MORC4: variants seen among roughly 807,000 people sequenced by gnomAD.
MORC4 encodes the protein MORC family CW-type zinc finger 4.
MORC4 carries 22 observed loss-of-function variants against 65.5 expected under a neutral mutation model. The observed-to-expected ratio is 0.34, with a 90% confidence interval of 0.24 to 0.48. MORC4 has a LOEUF of 0.48. Among genes scored for constraint, MORC4 ranks in the 20% least tolerant of loss-of-function variants. The pLI is 0.99. For synonymous variants in MORC4, 267 were observed against 255.8 expected (o/e 1.04, Z -0.42); for missense variants, 624 against 703.0 (o/e 0.89, Z 1.27).
In MORC4 at chrX:106,990,775, G is replaced by A. The variant is rs755168383; in HGVS notation, c.308+2455C>T. Among the ~76,000 whole-genome samples, 4 of 111,605 alleles carry A rather than the reference G, an allele frequency of 3.6e-5. No individual in the cohort carries two copies. In the East Asian group the frequency reaches 1.1e-3, roughly 32 times the overall value. ...TAATCCCAGCTACTTGGGAGGCTGAGGCAGGAGAGTTGCGTGAACCCAGGA... is the reference window on the plus strand; with the variant it reads ...TAATCCCAGCTACTTGGGAGGCTGAAGCAGGAGAGTTGCGTGAACCCAGGA... On this transcript the variant is annotated intron_variant, in intron 3 of 16. Transcript: ENST00000355610.
intron 9 of MORC4, among the ~76,000 whole-genome samples, chrX:106,976,160 T>C (rs1478441690): frequency 2.7e-5 from 3 of 112,049 alleles, no homozygotes; most frequent in Non-Finnish European, 5.7e-5. Context: ...TGAAAGCACA[T>C]GTCTTTCCTG....
chrX:106,950,945 T>C (rs746571321), intron 14 of MORC4, among the ~76,000 whole-genome samples: 2 of 112,276 alleles, frequency 1.8e-5, no homozygotes, highest in Non-Finnish European at 3.8e-5. Context: ...GAAGATTTCT[T>C]GAATATTTCT....
intron 13 of MORC4, 146 bp from the exon 14 acceptor site, chrX:106,955,234 T>C: frequency 2.2e-6 from 1 of 454,416 alleles, no homozygotes; most frequent in Non-Finnish European, 3.7e-6. Flanking sequence ...TGCAGTAATG[T>C]ACACTAGAAC....
chrX:106,958,601 C>A, intron 10 of MORC4, 137 bp from the exon 11 acceptor site: 4 of 453,700 alleles, frequency 8.8e-6, no homozygotes, highest in South Asian at 1.4e-4. Flanking sequence ...CATCTTGGTG[C>A]CCAAATGTAT....
chrX:106,976,786 T>C, intron 8 of MORC4, 102 bp from the exon 9 acceptor site: 2 of 540,503 alleles, frequency 3.7e-6, no homozygotes, highest in African/African-American at 2.3e-5. Context: ...ATAACCTTCA[T>C]GGGCAAGAAA....
In MORC4 at chrX:106,941,092, A is replaced by T. The variant is rs1439905001; in HGVS notation, c.*387T>A. 1 of 129,370 alleles carries T rather than the reference A, an allele frequency of 7.7e-6. No homozygotes were observed. The highest frequency in any genetic ancestry group is 1.5e-5 in the Non-Finnish European group (1 of 64,788). The allele number at this position is 129,370 out of a possible 1,213,427, so 10.7% of individuals were successfully genotyped here. A position where few individuals can be genotyped will look rare whatever the true frequency, so the allele number is the denominator to read the frequency against. The stretch of plus-strand genomic sequence containing the variant: ...GAGTTGTACTTGTTAGCTTACCCCA[A>T]AATAATACCTGGTATACCGGACCCA... On this transcript the variant is annotated 3_prime_UTR_variant, in exon 17 of 17. Transcript: ENST00000355610.
chrX:106,993,871 G>A (rs1437334081), intron 2 of MORC4, among the ~76,000 whole-genome samples: 2 of 112,187 alleles, frequency 1.8e-5, no homozygotes, highest in African/African-American at 6.5e-5. Context: ...AACACAGAGA[G>A]TACTGCCATT....
intron 2 of MORC4, among the ~76,000 whole-genome samples, chrX:106,994,074 A>G (rs1172557102): frequency 8.9e-6 from 1 of 112,666 alleles, no homozygotes; most frequent in Non-Finnish European, 1.9e-5. Context: ...AAAGTAGAAA[A>G]AATACATAGG....
chrX:106,958,782 T>G (rs1751355206), intron 10 of MORC4, among the ~76,000 whole-genome samples: 1 of 111,870 alleles, frequency 8.9e-6, no homozygotes, highest in South Asian at 3.8e-4. Context: ...AAATAATACT[T>G]ATCCTGGTGG....
chrX:106,999,607 T>G, intron 2 of MORC4, 70 bp downstream of exon 2: 1 of 921,747 alleles, frequency 1.1e-6, no homozygotes, highest in Non-Finnish European at 1.4e-6. Flanking sequence ...CGCATTCCTC[T>G]CGCGTCCGCG....
rs539533304 is a variant in MORC4, at chrX:106,959,039, T to C, written c.1257-575A>G. Among the ~76,000 whole-genome samples the C allele has an allele frequency of 4.4e-4, 49 of 112,027 alleles. No homozygotes were observed. In the South Asian group the frequency reaches 0.018, roughly 40 times the overall value. On this transcript the variant is annotated intron_variant, in intron 10 of 16. Transcript: ENST00000355610. ...CATTTCCCTCTCAAGAAAAACCCTTTGCTTATAATACTTCAATCAAAATTT... is the reference window on the plus strand; with the variant it reads ...CATTTCCCTCTCAAGAAAAACCCTTCGCTTATAATACTTCAATCAAAATTT...
intron 14 of MORC4, among the ~76,000 whole-genome samples, chrX:106,945,414 TTGTG>T (rs35077497): frequency 0.013 from 1,083 of 83,233 alleles, 16 homozygotes; most frequent in African/African-American, 0.04. Flanking sequence ...ACTTACTACT[TTGTG>T]TGTGTGTGTG....
chrX:106,962,221 T>A (rs886233688), intron 9 of MORC4, 111 bp from the exon 10 acceptor site: 1 of 541,510 alleles, frequency 1.8e-6, no homozygotes, highest in African/African-American at 2.3e-5. Flanking sequence ...ATCTGGCATA[T>A]TTTTGAACAT....
intron 7 of MORC4, 94 bp downstream of exon 7, chrX:106,980,797 G>T: frequency 1.2e-6 from 1 of 850,914 alleles, no homozygotes; most frequent in Non-Finnish European, 1.7e-6. Flanking sequence ...TTTTTAATTT[G>T]AAAGGGAAAG....
At chrX:106,999,836 C>A (rs1019525644) in intron 1 of MORC4, 32 bp downstream of exon 1, 24 of 856,487 alleles carry the variant, frequency 2.8e-5, no homozygotes, top group Non-Finnish European at 3.4e-5. Context: ...GGGGCCCGCG[C>A]GCGCGTCCGC....
intron 14 of MORC4, among the ~76,000 whole-genome samples, chrX:106,946,553 A>G (rs772739774): frequency 1.8e-5 from 2 of 112,424 alleles, no homozygotes; most frequent in East Asian, 5.6e-4. Flanking sequence ...TTTAAATTGC[A>G]TCCACTTTTT....
At chrX:106,976,423 T>A (rs1247853461) in intron 9 of MORC4, among the ~76,000 whole-genome samples, 161 bp downstream of exon 9, 2 of 111,964 alleles carry the variant, frequency 1.8e-5, no homozygotes, top group African/African-American at 3.2e-5. Context: ...AAACTTTAAT[T>A]TAAAAATGAA....
chrX:106,969,202 G>T (rs1433464643), intron 9 of MORC4, among the ~76,000 whole-genome samples: 1 of 112,015 alleles, frequency 8.9e-6, no homozygotes, highest in African/African-American at 3.2e-5. Flanking sequence ...CATGGAAACT[G>T]AACAACCTGC....
rs757947293 is a variant in MORC4 at position 106,996,624 on chromosome X, G to C, written c.175+3053C>G. ...CTTCTCCCCTAACCCGGCCCATCCA[G>C]CCAATGAACAGGTAGCACAATGAAA... is the stretch of plus-strand genomic sequence containing the variant. On this transcript the variant is annotated intron_variant, in intron 2 of 16. Coordinates refer to ENST00000355610, the MANE Select transcript of MORC4 (RefSeq NM_024657.5). Among the ~76,000 whole-genome samples the C allele has an allele frequency of 4.5e-5, 5 of 111,225 alleles. No homozygotes were observed. The East Asian group carries it at 8.5e-4, about 19-fold the overall frequency.
Sources: allele counts gnomAD v4.1 joint callset (sites outside exome capture counted in the v4.1 genomes callset), GRCh38; gene constraint gnomAD v4.1.1; transcripts MANE v1.5; gene names NCBI Gene and HGNC (gene_info 2026-07-23, HGNC 2026-07-21).